Variants in AGO4 observed in about 807,000 individuals in gnomAD.
The protein encoded by AGO4 is argonaute RISC component 4.
A neutral mutation model predicts 104.7 loss-of-function variants in AGO4; 33 were observed. The observed-to-expected ratio is 0.32, with a 90% CI of 0.24 to 0.42. The LOEUF is 0.42. AGO4 is among the 10% of genes least tolerant of loss of function. The pLI is 1.00. For missense variants in AGO4, 711 were observed against 1,083.4 expected, an observed-to-expected ratio of 0.66 and a Z score of 4.83; for synonymous variants, 331 against 364.7, an observed-to-expected ratio of 0.91 and a Z score of 1.05.
At chr1:35,840,340 T>C (rs534497241) in intron 13 of AGO4, among the ~76,000 whole-genome samples, 1 of 152,236 alleles carries the variant, frequency 6.6e-6, no homozygotes, top group East Asian at 1.9e-4. Context: ...TTTGTATTTT[T>C]TAGTAGAGAC....
At chr1:35,811,364 C>T (rs1643497656) in intron 1 of AGO4, among the ~76,000 whole-genome samples, 1 of 151,046 alleles carries the variant, frequency 6.6e-6, no homozygotes, top group Non-Finnish European at 1.5e-5. Context: ...TCTGAGGCTG[C>T]TGCAGGAGAA....
At chr1:35,848,905 G>A (rs1644636200) in intron 15 of AGO4, among the ~76,000 whole-genome samples, 1 of 152,122 alleles carries the variant, frequency 6.6e-6, no homozygotes, top group Admixed American at 6.6e-5. Context: ...AGGAACCCAA[G>A]ATCACATATG....
At chr1:35,824,959 G>A (rs1183085850) in intron 3 of AGO4, among the ~76,000 whole-genome samples, 2 of 151,982 alleles carry the variant, frequency 1.3e-5, no homozygotes, top group East Asian at 3.9e-4. Context: ...ACTGTCCCTG[G>A]TCCCTGAGAA....
At chr1:35,821,863 CTTTCTCAAAACCAATA>C (rs1012279363) in intron 2 of AGO4, among the ~76,000 whole-genome samples, 6 of 151,684 alleles carry the variant, frequency 4.0e-5, no homozygotes, top group Admixed American at 6.6e-5. Flanking sequence ...TGCTGATTCT[CTTTCTCAAAACCAATA>C]TACTTGAATA....
intron 15 of AGO4, among the ~76,000 whole-genome samples, chr1:35,849,339 C>T (rs537959893): frequency 1.5e-4 from 23 of 151,928 alleles, no homozygotes; most frequent in African/African-American, 5.6e-4. Context: ...CATTTCAGTG[C>T]TTTCTTCCTG....
At chr1:35,851,086 TATTTTAGTAGCATGTTAAAAAAAA>T (rs1644691941) in intron 17 of AGO4, 33 bp downstream of exon 17, 1 of 1,554,220 alleles carries the variant, frequency 6.4e-7, no homozygotes. Context: ...AGTCTCTTTA[TATTTTAGTAGCATGTTAAAAAAAA>T]TGAGCTACAA....
At chr1:35,822,785 G>T in intron 2 of AGO4, 77 bp from the exon 3 acceptor site, 8 of 1,560,396 alleles carry the variant, frequency 5.1e-6, no homozygotes, top group South Asian at 1.1e-5. Context: ...GAATTTAAAT[G>T]ATTAAAGTAT....
At chr1:35,823,726 T>C (rs1470537901) in intron 3 of AGO4, among the ~76,000 whole-genome samples, 3 of 147,786 alleles carry the variant, frequency 2.0e-5, no homozygotes, top group Non-Finnish European at 4.5e-5. Flanking sequence ...CCACTGCGCC[T>C]GGCCTTAATT....
At chr1:35,819,199 T>C (rs1281185462) in intron 2 of AGO4, among the ~76,000 whole-genome samples, 2 of 152,118 alleles carry the variant, frequency 1.3e-5, no homozygotes, top group Non-Finnish European at 2.9e-5. Flanking sequence ...AAAAAGGAGT[T>C]GTCATTTATC....
At chr1:35,834,324 C>T (rs1438831507) in intron 12 of AGO4, 150 bp downstream of exon 12, 3 of 667,402 alleles carry the variant, frequency 4.5e-6, no homozygotes, top group Non-Finnish European at 6.5e-6. Flanking sequence ...TATGCATCCA[C>T]TGAAGGTAGA....
chr1:35,825,455 A>G lies in AGO4; in HGVS notation c.449A>G (p.Gln150Arg). 6.2e-7 allele frequency: 1 copy of G among 1,614,198 alleles called. No homozygotes were observed. Among genetic ancestry groups the G allele is most frequent in the African/African-American group, 1.3e-5 (1 of 75,044 alleles). Reference sequence around the variant, plus strand: ...AATGAAGTCCCAGATGACTCAGTACAAGCACTTGATGTTATCACAAGACAC... The same window carrying G: ...AATGAAGTCCCAGATGACTCAGTACGAGCACTTGATGTTATCACAAGACAC... Reference protein sequence around the residue: ...HLNEVPDDSVQALDVITRHLP... With the variant: ...HLNEVPDDSVRALDVITRHLP... Residue 150 changes from glutamine to arginine, a missense_variant, in exon 4 of 18, where the codon CAA becomes CGA. By Grantham distance (43) the Gln-to-Arg change is conservative (BLOSUM62 1). This residue lies in a region of AGO4 where 308 missense variants were observed against 397.8 expected (regional missense o/e 0.77). Transcript: ENST00000373210.
intron 13 of AGO4, among the ~76,000 whole-genome samples, chr1:35,836,342 T>C (rs190543475): frequency 6.6e-6 from 1 of 152,240 alleles, no homozygotes; most frequent in Non-Finnish European, 1.5e-5. Flanking sequence ...GGTTAATTTG[T>C]GTTGTTGCAC....
chr1:35,815,550 T>C (rs1036877537), intron 1 of AGO4, among the ~76,000 whole-genome samples: 3 of 152,210 alleles, frequency 2.0e-5, no homozygotes, highest in Non-Finnish European at 1.5e-5. Context: ...TTTTAGATAA[T>C]TTAATATGAT....
At chr1:35,850,348 C>G (rs935963270) in intron 16 of AGO4, 90 bp downstream of exon 16, 8 of 979,642 alleles carry the variant, frequency 8.2e-6, no homozygotes, top group Non-Finnish European at 1.3e-5. Flanking sequence ...TATTTAACAC[C>G]GTGCCTAACT....
At chr1:35,835,796 C>G (rs922474610) in intron 12 of AGO4, 38 bp from the exon 13 acceptor site, 1 of 1,517,722 alleles carries the variant, frequency 6.6e-7, no homozygotes, top group African/African-American at 1.4e-5. Flanking sequence ...ATTAGGAGAC[C>G]ATTTAAACAT....
At position 35,849,932 on chromosome 1, in the gene AGO4, A is replaced by G. The variant is rs777797686; in HGVS notation, c.2176-225A>G. On this transcript the variant is annotated intron_variant, in intron 15 of 17. Coordinates refer to ENST00000373210, the MANE Select transcript of AGO4 (RefSeq NM_017629.4). ...CCACGGGTAAAATATTTTTGTCCGT[A>G]TCCTCCTGAAGAGATCCTGGAACAT... Among the ~76,000 whole-genome samples, 4 of 152,334 alleles carry G rather than the reference A, an allele frequency of 2.6e-5. No homozygotes were observed. The Middle Eastern group carries it at 0.01, about 389-fold the overall frequency.
chr1:35,839,691 C>T (rs1424929675), intron 13 of AGO4, among the ~76,000 whole-genome samples: 1 of 152,042 alleles, frequency 6.6e-6, no homozygotes, highest in African/African-American at 2.4e-5. Flanking sequence ...GGCTTATGTT[C>T]TGTGATGATA....
intron 7 of AGO4, among the ~76,000 whole-genome samples, chr1:35,827,335 C>T (rs186545681): frequency 1.7e-4 from 26 of 152,268 alleles, no homozygotes; most frequent in Admixed American, 4.6e-4. Context: ...GCCTGGCCAA[C>T]ATAGTGAAAC....
At chr1:35,842,307 A>G (rs572164372) in intron 15 of AGO4, among the ~76,000 whole-genome samples, 1 of 151,792 alleles carries the variant, frequency 6.6e-6, no homozygotes, top group Non-Finnish European at 1.5e-5. Flanking sequence ...TCCCAAAACC[A>G]TCTCCCCGCC....
Sources: gnomAD v4.1 joint callset for allele counts (sites outside exome capture counted in the v4.1 genomes callset) on GRCh38, gnomAD v4.1.1 for gene constraint, gnomAD v4.1.1 regional missense constraint, MANE v1.5 for transcripts, NCBI Gene and HGNC (gene_info 2026-07-23, HGNC 2026-07-21) for gene names.